The following PHAF1 variants were observed in gnomAD, a reference collection of about 807,000 sequenced individuals.
PHAF1 encodes phagosome assembly factor 1.
Under a neutral mutation model 63.1 loss-of-function variants are expected in PHAF1, and 23 were observed. The observed-to-expected ratio is 0.36, with a 90% CI of 0.26 to 0.52. The LOEUF is 0.52. Among genes scored for constraint, PHAF1 ranks in the 20% least tolerant of loss-of-function variants. PHAF1 has a pLI of 0.93. For missense variants in PHAF1, 427 were observed against 517.2 expected, an observed-to-expected ratio of 0.83 and a Z score of 1.69; for synonymous variants, 167 against 185.0, an observed-to-expected ratio of 0.90 and a Z score of 0.79.
intron 2 of PHAF1, among the ~76,000 whole-genome samples, chr16:67,120,638 AC>A (rs1195640904): frequency 6.6e-6 from 1 of 150,734 alleles, no homozygotes; most frequent in African/African-American, 2.4e-5. Context: ...GATATAATTC[AC>A]CCCTTTATCT....
intron 15 of PHAF1, 74 bp downstream of exon 15, chr16:67,146,424 G>T: frequency 6.9e-7 from 1 of 1,450,542 alleles, no homozygotes. Flanking sequence ...GAATGATGGA[G>T]GGAAATTGGG....
intron 3 of PHAF1, 74 bp from the exon 4 acceptor site, chr16:67,131,212 T>A: frequency 8.3e-6 from 6 of 725,232 alleles, no homozygotes; most frequent in Non-Finnish European, 1.3e-5. Context: ...CTATTTATTC[T>A]ATAAATGTAT....
chr16:67,110,162 G>C lies in PHAF1; in HGVS notation c.-14G>C. The C allele has an allele frequency of 6.4e-7, 1 of 1,551,084 alleles. No homozygotes were observed. Among genetic ancestry groups the C allele is most frequent in the Non-Finnish European group, 8.7e-7 (1 of 1,147,266 alleles). ...TGCCGCAGGGAGGCCGCCCGGGCCAGGCGAGCCGAACCAATGCTGGACCTG... is the reference window on the plus strand; with the variant it reads ...TGCCGCAGGGAGGCCGCCCGGGCCACGCGAGCCGAACCAATGCTGGACCTG... On this transcript the variant is annotated 5_prime_UTR_variant, in exon 1 of 16. Coordinates refer to ENST00000219139, the MANE Select transcript of PHAF1 (RefSeq NM_025187.5).
chr16:67,119,486 AT>A (rs2145830263), intron 1 of PHAF1, among the ~76,000 whole-genome samples: 1 of 152,150 alleles, frequency 6.6e-6, no homozygotes, highest in African/African-American at 2.4e-5. Context: ...CTTAAAAAAA[AT>A]AAAAATGTAA....
At chr16:67,110,834 G>A (rs1962483442) in intron 1 of PHAF1, among the ~76,000 whole-genome samples, 1 of 151,786 alleles carries the variant, frequency 6.6e-6, no homozygotes, top group East Asian at 1.9e-4. Context: ...TTTTTGAGAC[G>A]AAGTCTCGCT....
chr16:67,131,329 G>C lies in PHAF1; in HGVS notation c.275G>C (p.Cys92Ser), dbSNP rs754292776. 1.9e-6 allele frequency: 3 copies of C among 1,590,910 alleles called. No homozygotes were observed. The highest frequency in any genetic ancestry group is 8.6e-7 in the Non-Finnish European group (1 of 1,167,180). Residue 92 changes from cysteine to serine, a missense_variant and splice_region_variant, in exon 4 of 16, where the codon TGT becomes TCT. Cys to Ser is a moderately radical substitution (Grantham distance 112, BLOSUM62 -1). Coordinates refer to ENST00000219139, the MANE Select transcript of PHAF1 (RefSeq NM_025187.5). The stretch of plus-strand genomic sequence containing the variant: ...TTGACTAAAGTAAAGTTAAAATATT[G>C]GTAAGTTTTCTCCCCTGCTGGTATA... ...CDLTKVKLKYCGVHFNSQAIA... is the reference protein window; with the variant it reads ...CDLTKVKLKYSGVHFNSQAIA...
chr16:67,132,426 A>C lies in PHAF1; in HGVS notation c.276-20A>C. On this transcript the variant is annotated intron_variant, in intron 4 of 15. Transcript: ENST00000219139. ...CCCATCTTGTGAAGCCTAGTATTAAAAAATATTTTTGTTTTTCAGTGGCGT... is the reference window on the plus strand; with the variant it reads ...CCCATCTTGTGAAGCCTAGTATTAACAAATATTTTTGTTTTTCAGTGGCGT... The C allele has an allele frequency of 6.3e-7, 1 of 1,580,270 alleles. No homozygotes were observed. The highest frequency in any genetic ancestry group is 2.2e-5 in the East Asian group (1 of 44,486).
At chr16:67,132,609 T>A (rs1397242078) in intron 5 of PHAF1, 84 bp downstream of exon 5, 1 of 1,419,872 alleles carries the variant, frequency 7.0e-7, no homozygotes, top group Non-Finnish European at 1.0e-6. Flanking sequence ...CCCACCCCAC[T>A]TCCTGGAGTC....
intron 8 of PHAF1, among the ~76,000 whole-genome samples, chr16:67,136,795 G>C (rs539959788): frequency 2.8e-4 from 42 of 151,840 alleles, no homozygotes; most frequent in Admixed American, 2.8e-3. Context: ...TGCCCAGGCT[G>C]GTCTCAAACT....
chr16:67,110,273 GCTGATCCTTGCT>G, intron 1 of PHAF1, 34 bp downstream of exon 1: 1 of 1,548,306 alleles, frequency 6.5e-7, no homozygotes, highest in Non-Finnish European at 8.7e-7. Context: ...GACCCCATTC[GCTGATCCTTGCT>G]TTCTCCTGGG....
intron 1 of PHAF1, among the ~76,000 whole-genome samples, chr16:67,119,381 G>T (rs1962881623): frequency 6.6e-6 from 1 of 152,046 alleles, no homozygotes; most frequent in Admixed American, 6.6e-5. Flanking sequence ...CCCCTTCCAT[G>T]CATGTCCAAC....
chr16:67,144,951 C>G (rs2029913304), intron 12 of PHAF1, 74 bp downstream of exon 12: 1 of 1,546,240 alleles, frequency 6.5e-7, no homozygotes, highest in African/African-American at 1.4e-5. Context: ...GGAGAAAGAT[C>G]GAAGCAGTGG....
chr16:67,123,651 G>T (rs994513019), intron 2 of PHAF1, among the ~76,000 whole-genome samples: 3 of 151,960 alleles, frequency 2.0e-5, no homozygotes, highest in African/African-American at 7.3e-5. Context: ...TAAGCATTCC[G>T]CCTGCCACGA....
At chr16:67,142,991 CA>C (rs1280903037) in intron 10 of PHAF1, among the ~76,000 whole-genome samples, 1 of 152,092 alleles carries the variant, frequency 6.6e-6, no homozygotes, top group East Asian at 1.9e-4. Flanking sequence ...GCTGTGGGTA[CA>C]GGGGTAGAGT....
chr16:67,142,937 A>G (rs1215380638), intron 10 of PHAF1, among the ~76,000 whole-genome samples: 4 of 152,222 alleles, frequency 2.6e-5, no homozygotes, highest in South Asian at 4.1e-4. Flanking sequence ...AATAGGTGAC[A>G]GGGAAGATGG....
chr16:67,146,210 G>C (rs76171566), intron 14 of PHAF1, 68 bp from the exon 15 acceptor site: 80,200 of 1,420,884 alleles, frequency 0.056, 5,817 homozygotes, highest in African/African-American at 0.33. Context: ...CCCCAGAAAA[G>C]ACTGGATCCC....
intron 1 of PHAF1, 130 bp downstream of exon 1, chr16:67,110,369 C>A: frequency 9.6e-7 from 1 of 1,046,394 alleles, no homozygotes; most frequent in Non-Finnish European, 1.4e-6. Context: ...TCTCGGCTCG[C>A]TGGGCTCCAG....
chr16:67,130,407 G>T (rs1963349221), intron 3 of PHAF1, among the ~76,000 whole-genome samples: 1 of 141,100 alleles, frequency 7.1e-6, no homozygotes, highest in Non-Finnish European at 1.5e-5. Flanking sequence ...GGAGTGCAGT[G>T]GCGCAATCTC....
chr16:67,135,689 C>A (rs1963579563), intron 8 of PHAF1: 1 of 152,088 alleles, frequency 6.6e-6, no homozygotes. Context: ...CCAGAATGAT[C>A]TTGAACTCCT....
Sources: gnomAD v4.1 joint callset for allele counts (sites outside exome capture counted in the v4.1 genomes callset) on GRCh38, gnomAD v4.1.1 for gene constraint, MANE v1.5 for transcripts, NCBI Gene and HGNC (gene_info 2026-07-23, HGNC 2026-07-21) for gene names.